The following CDK5RAP2 variants were observed in gnomAD, a reference collection of about 807,000 sequenced individuals.
CDK5RAP2 encodes the protein CDK5 regulatory subunit-associated protein 2.
CDK5RAP2 carries 147 observed loss-of-function variants against 232.9 expected under a neutral mutation model. That is an observed-to-expected ratio of 0.63 (90% CI 0.55 to 0.72). The LOEUF is 0.72. Among genes scored for constraint, CDK5RAP2 ranks in the 30% least tolerant of loss-of-function variants. CDK5RAP2 has a pLI of 0.00. For synonymous variants in CDK5RAP2, 833 were observed against 833.7 expected (o/e 1.00, Z 0.01); for missense variants, 2,195 against 2,231.5 (o/e 0.98, Z 0.33).
At chr9:120,516,527 A>T (rs892982675) in intron 12 of CDK5RAP2, among the ~76,000 whole-genome samples, 3 of 152,160 alleles carry the variant, frequency 2.0e-5, no homozygotes, top group African/African-American at 7.2e-5. Flanking sequence ...AATAAAAAAT[A>T]AAAAATAAAA....
At chr9:120,478,930 A>G (rs1229787420) in intron 14 of CDK5RAP2, among the ~76,000 whole-genome samples, 1 of 152,228 alleles carries the variant, frequency 6.6e-6, no homozygotes, top group Non-Finnish European at 1.5e-5. Context: ...TTCACAATGT[A>G]TATATATATC....
intron 17 of CDK5RAP2, among the ~76,000 whole-genome samples, chr9:120,468,381 C>A (rs181806470): frequency 2.0e-5 from 3 of 152,208 alleles, no homozygotes; most frequent in African/African-American, 4.8e-5. Context: ...GCACTTGAGA[C>A]CCTCTGGAGG....
chr9:120,436,499 T>C (rs975901896), intron 25 of CDK5RAP2, among the ~76,000 whole-genome samples: 11 of 152,300 alleles, frequency 7.2e-5, no homozygotes, highest in South Asian at 4.1e-4. Flanking sequence ...AGGCTGTATA[T>C]TAGATAATAG....
intron 12 of CDK5RAP2, among the ~76,000 whole-genome samples, chr9:120,506,793 T>C (rs1390965478): frequency 6.6e-6 from 1 of 152,208 alleles, no homozygotes; most frequent in Non-Finnish European, 1.5e-5. Context: ...TTACTTCTTA[T>C]GAATGGGCAA....
In CDK5RAP2 at chr9:120,439,466, A is replaced by G. The variant is rs374828472; in HGVS notation, c.3655T>C (p.Leu1219=). The G allele has an allele frequency of 5.6e-6, 9 of 1,614,052 alleles. No individual in the cohort carries two copies. Among genetic ancestry groups the G allele is most frequent in the Non-Finnish European group, 7.6e-6 (9 of 1,180,030 alleles). The part of the protein sequence containing the change: ...QEYKLQKEQN[L]NMQLFSEIHN... ...ATCTCACTGAAAAGTTGCATGTTCA[A>G]ATTCTGCTCCTTCTGCAGCTTGTAT... The change falls in exon 24 of 38, where the codon TTG becomes CTG. Residue 1219 remains leucine (L), a synonymous_variant. Coordinates refer to ENST00000349780, the MANE Select transcript of CDK5RAP2 (RefSeq NM_018249.6).
intron 8 of CDK5RAP2, among the ~76,000 whole-genome samples, chr9:120,529,114 A>G (rs1365107245): frequency 1.3e-5 from 2 of 152,264 alleles, no homozygotes; most frequent in African/African-American, 4.8e-5. Flanking sequence ...GAGGAGGGAC[A>G]GGAGACAACT....
chr9:120,479,243 T>C (rs1384530272), intron 14 of CDK5RAP2, among the ~76,000 whole-genome samples: 2 of 152,000 alleles, frequency 1.3e-5, no homozygotes, highest in African/African-American at 4.8e-5. Context: ...TTTTTCTTTA[T>C]AGAAAAATGA....
At chr9:120,563,315 T>C (rs2042528059) in intron 3 of CDK5RAP2, among the ~76,000 whole-genome samples, 1 of 152,122 alleles carries the variant, frequency 6.6e-6, no homozygotes, top group Non-Finnish European at 1.5e-5. Flanking sequence ...GAGAGGAATA[T>C]GCTGAGTTCA....
intron 28 of CDK5RAP2, among the ~76,000 whole-genome samples, chr9:120,413,447 A>G (rs2033976455): frequency 6.6e-6 from 1 of 151,766 alleles, no homozygotes. Context: ...AGCCACTTTT[A>G]TTCCTTTGTA....
chr9:120,409,042 G>A, intron 30 of CDK5RAP2, 85 bp downstream of exon 30: 1 of 1,288,330 alleles, frequency 7.8e-7, no homozygotes, highest in Non-Finnish European at 1.1e-6. Context: ...CTAAGGCAGA[G>A]GCCTGCGTGC....
chr9:120,478,357 C>G (rs1460727956), intron 14 of CDK5RAP2, among the ~76,000 whole-genome samples: 1 of 152,182 alleles, frequency 6.6e-6, no homozygotes, highest in Non-Finnish European at 1.5e-5. Context: ...GCTTATAGAA[C>G]AGTGGTTGCC....
At chr9:120,465,446 G>A (rs1022230540) in intron 18 of CDK5RAP2, among the ~76,000 whole-genome samples, 1 of 152,116 alleles carries the variant, frequency 6.6e-6, no homozygotes, top group African/African-American at 2.4e-5. Context: ...GTTTGGTGGT[G>A]TCTACGTGAA....
At chr9:120,497,684 A>G (rs117479719) in intron 12 of CDK5RAP2, among the ~76,000 whole-genome samples, 3,225 of 152,296 alleles carry the variant, frequency 0.021, 52 homozygotes, top group Non-Finnish European at 0.033. Context: ...AGAGCACATC[A>G]CTTCCATGCT....
chr9:120,431,360 G>C (rs192968495), intron 25 of CDK5RAP2, among the ~76,000 whole-genome samples: 1 of 152,174 alleles, frequency 6.6e-6, no homozygotes, highest in Non-Finnish European at 1.5e-5. Flanking sequence ...CTGTGAAAGT[G>C]AACTACATGG....
intron 18 of CDK5RAP2, among the ~76,000 whole-genome samples, chr9:120,461,040 GA>G (rs2037061206): frequency 6.6e-6 from 1 of 152,210 alleles, no homozygotes; most frequent in South Asian, 2.1e-4. Flanking sequence ...AAAGTAACAA[GA>G]TTTTGGAAAA....
At chr9:120,408,324 C>A in intron 31 of CDK5RAP2, 23 bp downstream of exon 31, 2 of 1,613,564 alleles carry the variant, frequency 1.2e-6, no homozygotes, top group Non-Finnish European at 1.7e-6. Flanking sequence ...ACAGTAGCCT[C>A]AAGGTGAGAA....
At chr9:120,556,900 A>G (rs2042248392) in intron 3 of CDK5RAP2, among the ~76,000 whole-genome samples, 3 of 152,192 alleles carry the variant, frequency 2.0e-5, no homozygotes, top group African/African-American at 7.2e-5. Flanking sequence ...CCTCCTTTTA[A>G]GGAAACAGCA....
chr9:120,521,644 CTTTT>C (rs71266575), intron 11 of CDK5RAP2, among the ~76,000 whole-genome samples: 3 of 125,762 alleles, frequency 2.4e-5, no homozygotes, highest in African/African-American at 9.1e-5. Flanking sequence ...ACCTCTTTTT[CTTTT>C]TTTTTTTTTT....
chr9:120,576,451 C>T (rs1204327417), intron 1 of CDK5RAP2, among the ~76,000 whole-genome samples: 1 of 152,154 alleles, frequency 6.6e-6, no homozygotes, highest in African/African-American at 2.4e-5. Flanking sequence ...TCCTGTAACC[C>T]AGCACTTTGG....
Sources: gnomAD v4.1 joint callset for allele counts (sites outside exome capture counted in the v4.1 genomes callset) on GRCh38, gnomAD v4.1.1 for gene constraint, MANE v1.5 for transcripts, NCBI Gene and HGNC (gene_info 2026-07-23, HGNC 2026-07-21) for gene names.